The following CHMP4B variants were observed in gnomAD, a reference collection of about 807,000 sequenced individuals.
CHMP4B encodes SNF7 homolog associated with Alix 1.
CHMP4B carries 1 observed loss-of-function variant against 25.1 expected under a neutral mutation model. The observed-to-expected ratio is 0.04, with a 90% CI of 0.01 to 0.19. The LOEUF is 0.19. CHMP4B is among the 10% of genes least tolerant of loss of function. CHMP4B has a pLI of 1.00. For synonymous variants in CHMP4B, 101 were observed against 115.6 expected, an observed-to-expected ratio of 0.87 and a Z score of 0.81; for missense variants, 151 against 289.7, an observed-to-expected ratio of 0.52 and a Z score of 3.48.
intron 1 of CHMP4B, among the ~76,000 whole-genome samples, chr20:33,830,154 G>C (rs777103296): frequency 2.6e-5 from 4 of 152,210 alleles, no homozygotes; most frequent in Non-Finnish European, 5.9e-5. Flanking sequence ...GCTGGGAGAG[G>C]GTGGTGGTGA....
chr20:33,852,949 G>C (rs997637735), intron 4 of CHMP4B, among the ~76,000 whole-genome samples: 1 of 152,176 alleles, frequency 6.6e-6, no homozygotes, highest in Non-Finnish European at 1.5e-5. Context: ...GAAAAAGCGA[G>C]GCAATTTGAT....
intron 1 of CHMP4B, among the ~76,000 whole-genome samples, chr20:33,822,853 G>A (rs1008919800): frequency 2.6e-5 from 4 of 151,886 alleles, no homozygotes; most frequent in African/African-American, 4.8e-5. Flanking sequence ...GGAGTGCAGC[G>A]GTGCGATCTT....
rs1978599335 is a variant in CHMP4B, at chr20:33,811,387, C to A, written c.-82C>A. ...CGGCAGGGAGCGGCGGGACTGGGAG[C>A]GGGCGCCGGAGCCGACCCGAGCCGA... On this transcript the variant is annotated 5_prime_UTR_variant, in exon 1 of 5. Transcript: ENST00000217402. 2.6e-6 allele frequency: 3 copies of A among 1,173,370 alleles called. No individual in the cohort carries two copies. Among genetic ancestry groups the A allele is most frequent in the Admixed American group, 4.4e-5 (1 of 22,764 alleles). 72.7% of individuals were successfully genotyped at this position (1,173,370 alleles called of 1,614,324 possible).
At chr20:33,836,619 T>C (rs1979399042) in intron 1 of CHMP4B, among the ~76,000 whole-genome samples, 1 of 152,158 alleles carries the variant, frequency 6.6e-6, no homozygotes, top group Non-Finnish European at 1.5e-5. Flanking sequence ...GCTGAATACT[T>C]GAGGAGGACC....
intron 1 of CHMP4B, among the ~76,000 whole-genome samples, chr20:33,847,952 T>C (rs938707730): frequency 3.3e-5 from 5 of 152,176 alleles, no homozygotes; most frequent in African/African-American, 1.2e-4. Flanking sequence ...TTTGATATAG[T>C]CATTATATTT....
At chr20:33,852,051 G>T (rs202126662) in intron 3 of CHMP4B, 26 bp from the exon 4 acceptor site, 13 of 1,613,120 alleles carry the variant, frequency 8.1e-6, no homozygotes, top group South Asian at 1.1e-5. Flanking sequence ...CAGGGAGGGC[G>T]CTCACTTTGT....
Position 33,848,456 on chromosome 20 carries a change from C to T in CHMP4B, c.191-11C>T. 1 of 1,613,916 alleles carries T rather than the reference C, an allele frequency of 6.2e-7. No homozygotes were observed. Among genetic ancestry groups the T allele is most frequent in the South Asian group, 1.1e-5 (1 of 91,052 alleles). On this transcript the variant is annotated splice_polypyrimidine_tract_variant and intron_variant, in intron 1 of 4. Coordinates refer to ENST00000217402, the MANE Select transcript of CHMP4B (RefSeq NM_176812.5). ...GGGACTCTCTGAAACCCTGTTTTCT[C>T]CCTCACGCAGCGGCCCTCCAGGCAC...
Position 33,853,683 on chromosome 20 carries a change from C to G in CHMP4B, c.*123C>G. ...GTTCCATCGCTTTCGACTCTCACTCCAAAGCAGTAGGGCCGCGTTGCTGCT... is the reference window on the plus strand; with the variant it reads ...GTTCCATCGCTTTCGACTCTCACTCGAAAGCAGTAGGGCCGCGTTGCTGCT... On this transcript the variant is annotated 3_prime_UTR_variant, in exon 5 of 5. Coordinates refer to ENST00000217402, the MANE Select transcript of CHMP4B (RefSeq NM_176812.5). The G allele has an allele frequency of 1.3e-6, 1 of 791,056 alleles. No homozygotes were observed. The highest frequency in any genetic ancestry group is 2.8e-5 in the East Asian group (1 of 35,104). 49.0% of individuals were successfully genotyped at this position (791,056 alleles called of 1,614,324 possible).
chr20:33,811,435 CG>C lies in CHMP4B; in HGVS notation c.-31del. On this transcript the variant is annotated 5_prime_UTR_variant, in exon 1 of 5. Coordinates refer to ENST00000217402, the MANE Select transcript of CHMP4B (RefSeq NM_176812.5). The stretch of plus-strand genomic sequence containing the variant: ...CGAGCCGAGCCGAGCCGAGCCGGAG[CG>C]GGCGGCGAAGGCCGGCGCGGCGAGC... The C allele has an allele frequency of 6.8e-7, 1 of 1,463,816 alleles. No individual in the cohort carries two copies. Among genetic ancestry groups the C allele is most frequent in the South Asian group, 1.4e-5 (1 of 70,612 alleles). The allele number at this position is 1,463,816 out of a possible 1,614,324, so 90.7% of individuals were successfully genotyped here.
intron 1 of CHMP4B, among the ~76,000 whole-genome samples, chr20:33,837,012 C>T (rs570452381): frequency 2.6e-4 from 40 of 152,250 alleles, no homozygotes; most frequent in African/African-American, 8.2e-4. Context: ...ATAATCTCTC[C>T]GGGCCTCAAA....
At chr20:33,812,883 A>C (rs961342167) in intron 1 of CHMP4B, among the ~76,000 whole-genome samples, 87 of 152,246 alleles carry the variant, frequency 5.7e-4, no homozygotes, top group African/African-American at 2.0e-3. Flanking sequence ...ATATTCTGGA[A>C]ATTCTTTTTA....
chr20:33,836,904 A>G (rs756640582), intron 1 of CHMP4B, among the ~76,000 whole-genome samples: 7 of 152,176 alleles, frequency 4.6e-5, no homozygotes, highest in Non-Finnish European at 1.0e-4. Flanking sequence ...TGGGCTACGG[A>G]TAAATCTAGT....
chr20:33,826,225 A>T (rs571971329), intron 1 of CHMP4B, among the ~76,000 whole-genome samples: 53 of 152,214 alleles, frequency 3.5e-4, no homozygotes, highest in Non-Finnish European at 5.3e-4. Flanking sequence ...CACCAGGGGG[A>T]TGGCAGGGAT....
In CHMP4B at chr20:33,854,353, G is replaced by A. The variant is rs1437363833; in HGVS notation, c.*793G>A. On this transcript the variant is annotated 3_prime_UTR_variant, in exon 5 of 5. Transcript: ENST00000217402. Reference sequence around the variant, plus strand: ...GTTTGCACTGTCTATTAAATATCTCGATTAATTTTCATACTTTGCTGTTGT... The same window carrying A: ...GTTTGCACTGTCTATTAAATATCTCAATTAATTTTCATACTTTGCTGTTGT... 5 of 152,588 alleles carry A rather than the reference G, an allele frequency of 3.3e-5. No homozygotes were observed. The highest frequency in any genetic ancestry group is 2.1e-4 in the South Asian group (1 of 4,820). The allele number at this position is 152,588 out of a possible 1,614,324, so 9.5% of individuals were successfully genotyped here. A position where few individuals can be genotyped will look rare whatever the true frequency, so the allele number is the denominator to read the frequency against.
At chr20:33,828,386 T>C (rs1422383633) in intron 1 of CHMP4B, among the ~76,000 whole-genome samples, 1 of 152,206 alleles carries the variant, frequency 6.6e-6, no homozygotes, top group East Asian at 1.9e-4. Flanking sequence ...TGGCCAACCC[T>C]GCCAGAATAG....
chr20:33,837,140 C>T (rs1322521854), intron 1 of CHMP4B, among the ~76,000 whole-genome samples: 4 of 152,094 alleles, frequency 2.6e-5, no homozygotes, highest in East Asian at 1.9e-4. Context: ...AAGAACTGGC[C>T]GGGCGCGGTG....
intron 1 of CHMP4B, among the ~76,000 whole-genome samples, chr20:33,839,342 A>G (rs1388829949): frequency 2.0e-5 from 3 of 152,132 alleles, no homozygotes. Context: ...GGGCACAAAG[A>G]TGGAGGTTCC....
intron 1 of CHMP4B, among the ~76,000 whole-genome samples, chr20:33,847,686 C>A (rs909486800): frequency 1.3e-5 from 2 of 152,150 alleles, no homozygotes; most frequent in African/African-American, 4.8e-5. Flanking sequence ...CTAGGTTTGG[C>A]CGTGGCAAGG....
At position 33,850,820 on chromosome 20, in the gene CHMP4B, C is replaced by T; in HGVS notation, c.369-132C>T. The T allele has an allele frequency of 6.9e-6, 5 of 721,130 alleles. No homozygotes were observed. The South Asian group carries it at 7.3e-5, about 10-fold the overall frequency. 44.7% of individuals were successfully genotyped at this position (721,130 alleles called of 1,614,324 possible). ...GGCAATAATGCCAAGTAACCCCTCA[C>T]AGGGAGTCATTGCAGGGGGTGTGGC... On this transcript the variant is annotated intron_variant, in intron 2 of 4. Transcript: ENST00000217402.
Sources: allele counts gnomAD v4.1 joint callset (sites outside exome capture counted in the v4.1 genomes callset), GRCh38; gene constraint gnomAD v4.1.1; transcripts MANE v1.5; gene names NCBI Gene and HGNC (gene_info 2026-07-23, HGNC 2026-07-21).